MAP3K13: variants seen among roughly 807,000 people sequenced by gnomAD.
MAP3K13 encodes mitogen-activated protein kinase kinase kinase 13.
MAP3K13 carries 52 observed loss-of-function variants against 104.0 expected under a neutral mutation model. The ratio of observed to expected loss-of-function variants is 0.50; its 90% CI spans 0.40 to 0.63. The LOEUF is 0.63. MAP3K13 is among the 20% of genes least tolerant of loss of function. The pLI is 0.00. For missense variants in MAP3K13, 914 were observed against 1,218.5 expected, an observed-to-expected ratio of 0.75 and a Z score of 3.72; for synonymous variants, 394 against 442.2, an observed-to-expected ratio of 0.89 and a Z score of 1.37.
intron 13 of MAP3K13, among the ~76,000 whole-genome samples, chr3:185,481,021 G>A (rs896610678): frequency 6.6e-6 from 1 of 152,090 alleles, no homozygotes; most frequent in African/African-American, 2.4e-5. Flanking sequence ...ACCATATCAG[G>A]CCTCCAAGAA....
At chr3:185,320,522 C>T (rs557960182) in intron 2 of MAP3K13, among the ~76,000 whole-genome samples, 4 of 152,300 alleles carry the variant, frequency 2.6e-5, no homozygotes, top group Non-Finnish European at 4.4e-5. Flanking sequence ...AATAATTTCT[C>T]CATTCAAATG....
chr3:185,364,365 A>C (rs540144668), intron 1 of MAP3K13, among the ~76,000 whole-genome samples: 6 of 152,194 alleles, frequency 3.9e-5, no homozygotes, highest in Non-Finnish European at 8.8e-5. Context: ...CCTCAACCCG[A>C]ATAATCTGAC....
At chr3:185,308,009 C>CTTTT (rs33949195) in intron 2 of MAP3K13, among the ~76,000 whole-genome samples, 351 of 31,522 alleles carry the variant, frequency 0.011, 15 homozygotes, top group African/African-American at 0.025. Flanking sequence ...TCTTTGGGGT[C>CTTTT]TTTTTTTTTT....
chr3:185,422,438 G>T (rs114405493), intron 1 of MAP3K13, among the ~76,000 whole-genome samples: 2 of 152,094 alleles, frequency 1.3e-5, no homozygotes, highest in Non-Finnish European at 2.9e-5. Context: ...TATCAAACGC[G>T]TATGATGACT....
intron 2 of MAP3K13, among the ~76,000 whole-genome samples, chr3:185,354,677 G>GC (rs1723279524): frequency 6.6e-6 from 1 of 151,528 alleles, no homozygotes; most frequent in Non-Finnish European, 1.5e-5. Context: ...GTCTATTCTT[G>GC]CCCCCAAATT....
chr3:185,368,899 C>T lies in MAP3K13; in HGVS notation c.-86+5531C>T, dbSNP rs1442783648. On this transcript the variant is annotated intron_variant, in intron 1 of 13. Coordinates refer to ENST00000265026, the MANE Select transcript of MAP3K13 (RefSeq NM_004721.5). ...ACTTGAACCCGGGAGGCAGAGGTTG[C>T]GGTGAGCCGAGATTGCACCACTGCA... 3.4e-5 allele frequency among the ~76,000 whole-genome samples: 5 copies of T among 147,522 alleles called. No individual in the cohort carries two copies. The East Asian group carries it at 8.1e-4, about 24-fold the overall frequency.
chr3:185,447,737 G>A, intron 4 of MAP3K13, 52 bp from the exon 5 acceptor site: 2 of 1,389,276 alleles, frequency 1.4e-6, no homozygotes, highest in Non-Finnish European at 2.0e-6. Context: ...TAGAATCATG[G>A]TTTTCGTTAG....
At chr3:185,402,301 A>T (rs987033072) in intron 1 of MAP3K13, among the ~76,000 whole-genome samples, 1 of 152,062 alleles carries the variant, frequency 6.6e-6, no homozygotes, top group Non-Finnish European at 1.5e-5. Flanking sequence ...GTAGTATCAC[A>T]ATTTATTTAT....
intron 1 of MAP3K13, among the ~76,000 whole-genome samples, chr3:185,416,471 T>G (rs1305955625): frequency 1.3e-5 from 2 of 151,922 alleles, no homozygotes; most frequent in Non-Finnish European, 1.5e-5. Context: ...GATGACAAAA[T>G]TGAGGCTTAG....
intron 2 of MAP3K13, among the ~76,000 whole-genome samples, chr3:185,311,455 A>G (rs1044419937): frequency 6.6e-6 from 1 of 152,178 alleles, no homozygotes; most frequent in African/African-American, 2.4e-5. Flanking sequence ...CCCTCCCACA[A>G]TGCATGGGAA....
intron 1 of MAP3K13, among the ~76,000 whole-genome samples, chr3:185,383,082 A>G (rs1418149925): frequency 7.3e-6 from 1 of 137,076 alleles, no homozygotes; most frequent in Admixed American, 7.7e-5. Flanking sequence ...TCATTGTTCA[A>G]TTCCCACCTA....
At chr3:185,390,621 A>ATTTTTTTTTTTTTT (rs750832762) in intron 1 of MAP3K13, among the ~76,000 whole-genome samples, 1 of 123,686 alleles carries the variant, frequency 8.1e-6, no homozygotes, top group African/African-American at 3.2e-5. Context: ...TACAGTCAGA[A>ATTTTTTTTTTTTTT]TTTTTTTTTT....
chr3:185,432,278 C>T (rs1714788047), intron 2 of MAP3K13, among the ~76,000 whole-genome samples: 1 of 143,108 alleles, frequency 7.0e-6, no homozygotes, highest in South Asian at 2.2e-4. Flanking sequence ...GCAACCTCTG[C>T]CTTCTGGGTT....
intron 2 of MAP3K13, among the ~76,000 whole-genome samples, chr3:185,291,218 C>A (rs1034754916): frequency 1.3e-5 from 2 of 152,294 alleles, no homozygotes; most frequent in Non-Finnish European, 2.9e-5. Flanking sequence ...TCTCTTCCAA[C>A]AAGCATTTTG....
chr3:185,418,307 C>T lies in MAP3K13; in HGVS notation c.-85-10190C>T. 6.3e-7 allele frequency: 1 copy of T among 1,583,486 alleles called. No individual in the cohort carries two copies. The highest frequency in any genetic ancestry group is 8.7e-7 in the Non-Finnish European group (1 of 1,153,948). Reference sequence around the variant, plus strand: ...TCCTTGGTCTTCTTGTAGCCTTCAACTTTATCTTCAAATACCAAAGGAAGT... The same window carrying T: ...TCCTTGGTCTTCTTGTAGCCTTCAATTTTATCTTCAAATACCAAAGGAAGT... On this transcript the variant is annotated intron_variant, in intron 1 of 13. Coordinates refer to ENST00000265026, the MANE Select transcript of MAP3K13 (RefSeq NM_004721.5). The surrounding 1 kb of genome is among the most constrained non-coding windows in gnomAD (Gnocchi z 4.5).
intron 1 of MAP3K13, among the ~76,000 whole-genome samples, chr3:185,382,777 G>A (rs1424370854): frequency 1.3e-5 from 2 of 152,116 alleles, no homozygotes; most frequent in African/African-American, 4.8e-5. Context: ...AGGCCGAGGC[G>A]GGTGGATCAC....
At chr3:185,469,037 C>A (rs2148919510) in intron 10 of MAP3K13, among the ~76,000 whole-genome samples, 1 of 152,328 alleles carries the variant, frequency 6.6e-6, no homozygotes, top group African/African-American at 2.4e-5. Context: ...GCTAGCTGAA[C>A]ACGAGGAAGG....
intron 2 of MAP3K13, among the ~76,000 whole-genome samples, chr3:185,295,329 C>A (rs1296125955): frequency 6.6e-6 from 1 of 152,176 alleles, no homozygotes; most frequent in East Asian, 1.9e-4. Context: ...CTCTGCCTCC[C>A]AAGTAGCTGG....
At chr3:185,361,122 G>A (rs1317672662), upstream of MAP3K13, among the ~76,000 whole-genome samples, 2 of 137,466 alleles carry the variant, frequency 1.5e-5, no homozygotes, top group Non-Finnish European at 1.6e-5. Flanking sequence ...GTGTGTGTGT[G>A]TATACACACA....
Sources: gnomAD v4.1 joint callset for allele counts (sites outside exome capture counted in the v4.1 genomes callset) on GRCh38, gnomAD v4.1.1 for gene constraint, Gnocchi (gnomAD v3.1) non-coding constraint, MANE v1.5 for transcripts, NCBI Gene and HGNC (gene_info 2026-07-23, HGNC 2026-07-21) for gene names.